MLLT10: variants seen among roughly 807,000 people sequenced by gnomAD.
MLLT10 encodes the protein protein AF-10.
Under a neutral mutation model 129.1 loss-of-function variants are expected in MLLT10, and 30 were observed. That is an observed-to-expected ratio of 0.23 (90% CI 0.17 to 0.32). MLLT10 has a LOEUF of 0.32. MLLT10 is among the 10% of genes least tolerant of loss of function. The pLI, the probability that MLLT10 is intolerant of heterozygous loss-of-function variation, is 1.00. For missense variants in MLLT10, 1,119 were observed against 1,268.3 expected, an observed-to-expected ratio of 0.88 and a Z score of 1.79; for synonymous variants, 490 against 446.4, an observed-to-expected ratio of 1.10 and a Z score of -1.23.
rs537604472 is a variant in MLLT10 at position 21,629,886 on chromosome 10, C to A, written c.699+12679C>A. ...CTGATGTGGGAGTATCTCTTGAGAT[C>A]AGGAGTTAAAGGCTGCAGTGAGCTA... On this transcript the variant is annotated intron_variant, in intron 8 of 22. Coordinates refer to ENST00000307729, the MANE Select transcript of MLLT10 (RefSeq NM_001195626.3). 1.6e-4 allele frequency among the ~76,000 whole-genome samples: 25 copies of A among 152,240 alleles called. No homozygotes were observed. In the South Asian group the frequency reaches 4.8e-3, roughly 29 times the overall value.
chr10:21,596,825 C>T (rs376047241), intron 5 of MLLT10, among the ~76,000 whole-genome samples: 31 of 151,616 alleles, frequency 2.0e-4, no homozygotes, highest in African/African-American at 6.5e-4. Flanking sequence ...TGTATATTTG[C>T]TGTGTGTGTT....
At chr10:21,689,751 G>A (rs2053680369) in intron 13 of MLLT10, among the ~76,000 whole-genome samples, 2 of 150,572 alleles carry the variant, frequency 1.3e-5, no homozygotes, top group South Asian at 4.2e-4. Flanking sequence ...GGAGTTGAAA[G>A]CAGTTGGTGT....
intron 17 of MLLT10, among the ~76,000 whole-genome samples, chr10:21,732,152 T>C (rs1210917835): frequency 2.6e-5 from 4 of 152,178 alleles, no homozygotes; most frequent in Non-Finnish European, 4.4e-5. Flanking sequence ...CTAAAGGCCC[T>C]GAGGTCATGT....
chr10:21,556,242 T>C (rs1032103632), intron 3 of MLLT10, among the ~76,000 whole-genome samples: 3 of 152,140 alleles, frequency 2.0e-5, no homozygotes, highest in Admixed American at 6.5e-5. Context: ...GGATTACAGG[T>C]GTGAGCCACC....
At chr10:21,658,602 G>T (rs927085456) in intron 9 of MLLT10, among the ~76,000 whole-genome samples, 1 of 152,090 alleles carries the variant, frequency 6.6e-6, no homozygotes, top group African/African-American at 2.4e-5. Flanking sequence ...TATTTCTCTT[G>T]CATGAATACC....
chr10:21,647,193 T>C (rs928799335), intron 8 of MLLT10, among the ~76,000 whole-genome samples: 2 of 152,196 alleles, frequency 1.3e-5, no homozygotes, highest in African/African-American at 2.4e-5. Flanking sequence ...TATGCTTGCA[T>C]AATGATTTTT....
At chr10:21,647,145 T>C (rs1411038701) in intron 8 of MLLT10, among the ~76,000 whole-genome samples, 2 of 152,160 alleles carry the variant, frequency 1.3e-5, no homozygotes, top group Admixed American at 6.6e-5. Context: ...CATGAGCCGC[T>C]GCACCTGGCC....
chr10:21,639,013 A>C (rs2047724520), intron 8 of MLLT10, among the ~76,000 whole-genome samples: 1 of 152,216 alleles, frequency 6.6e-6, no homozygotes, highest in South Asian at 2.1e-4. Context: ...TTGACCGTAC[A>C]ATTTTTCATT....
chr10:21,571,527 G>C (rs1163233505), intron 3 of MLLT10, among the ~76,000 whole-genome samples: 2 of 152,224 alleles, frequency 1.3e-5, no homozygotes, highest in Non-Finnish European at 2.9e-5. Flanking sequence ...GTCTTCCAGG[G>C]ATGACTGTGT....
intron 8 of MLLT10, among the ~76,000 whole-genome samples, chr10:21,623,944 T>A (rs912962211): frequency 6.6e-6 from 1 of 152,162 alleles, no homozygotes; most frequent in African/African-American, 2.4e-5. Context: ...TAGATTTTTT[T>A]AGTTTTATTG....
chr10:21,601,690 G>GT (rs909717079), intron 5 of MLLT10, among the ~76,000 whole-genome samples: 1 of 152,160 alleles, frequency 6.6e-6, no homozygotes, highest in African/African-American at 2.4e-5. Flanking sequence ...ACCACACCTA[G>GT]TTTTTTTAAA....
At chr10:21,714,034 C>A (rs2056339064) in intron 14 of MLLT10, 84 bp downstream of exon 14, 1 of 1,159,990 alleles carries the variant, frequency 8.6e-7, no homozygotes, top group Non-Finnish European at 1.2e-6. Flanking sequence ...AAACAAATGA[C>A]ATAGGGCCTT....
At chr10:21,664,868 T>G (rs1394943051) in intron 9 of MLLT10, among the ~76,000 whole-genome samples, 1 of 152,098 alleles carries the variant, frequency 6.6e-6, no homozygotes, top group Non-Finnish European at 1.5e-5. Flanking sequence ...TTGATTAGCT[T>G]TAGCTTGATG....
chr10:21,731,949 T>C (rs1224404546), intron 17 of MLLT10, among the ~76,000 whole-genome samples: 1 of 152,190 alleles, frequency 6.6e-6, no homozygotes, highest in Non-Finnish European at 1.5e-5. Flanking sequence ...TGACAAAAAA[T>C]GCTAATTAAT....
intron 8 of MLLT10, chr10:21,625,511 C>T: frequency 1.1e-6 from 1 of 927,380 alleles, no homozygotes; most frequent in Admixed American, 1.7e-5. Flanking sequence ...TTTCCCCATA[C>T]TTTTACTTTT....
In MLLT10 at chr10:21,553,161, T is replaced by C. The variant is rs566637864; in HGVS notation, c.240+14249T>C. 7.2e-5 allele frequency among the ~76,000 whole-genome samples: 11 copies of C among 152,196 alleles called. No homozygotes were observed. In the South Asian group the frequency reaches 2.1e-3, roughly 29 times the overall value. On this transcript the variant is annotated intron_variant, in intron 3 of 22. Coordinates refer to ENST00000307729, the MANE Select transcript of MLLT10 (RefSeq NM_001195626.3). ...AGGAAAAGGCGCATGAGAAATAAAT[T>C]AGGGTTTTGCATGGTTGATAAAATG...
chr10:21,654,126 C>G (rs1226126455), intron 9 of MLLT10, among the ~76,000 whole-genome samples: 5 of 152,228 alleles, frequency 3.3e-5, no homozygotes, highest in Admixed American at 6.5e-5. Context: ...CATTACTGAC[C>G]TTGAACAGTT....
chr10:21,569,469 G>A (rs1018320338), intron 3 of MLLT10, among the ~76,000 whole-genome samples: 3 of 150,918 alleles, frequency 2.0e-5, no homozygotes, highest in African/African-American at 7.3e-5. Context: ...CGCCCAGGCT[G>A]GAGTGCAGTG....
At chr10:21,562,360 G>A (rs758313689) in intron 3 of MLLT10, among the ~76,000 whole-genome samples, 4 of 147,334 alleles carry the variant, frequency 2.7e-5, no homozygotes, top group African/African-American at 5.0e-5. Context: ...TTTTTGAGAC[G>A]GCGTCTCACT....
Sources: allele counts gnomAD v4.1 joint callset (sites outside exome capture counted in the v4.1 genomes callset), GRCh38; gene constraint gnomAD v4.1.1; transcripts MANE v1.5; gene names NCBI Gene and HGNC (gene_info 2026-07-23, HGNC 2026-07-21).